Variants in ZAP70 observed in about 807,000 individuals in gnomAD.
The protein encoded by ZAP70 is tyrosine-protein kinase ZAP-70.
ZAP70 carries 27 observed loss-of-function variants against 65.8 expected under a neutral mutation model. The observed-to-expected ratio is 0.41, with a 90% CI of 0.30 to 0.57. The LOEUF (loss-of-function observed/expected upper bound fraction) is 0.57. ZAP70 is among the 20% of genes least tolerant of loss of function. The pLI, the probability that ZAP70 is intolerant of heterozygous loss-of-function variation, is 0.28. For missense variants in ZAP70, 696 were observed against 870.5 expected (o/e 0.80, Z 2.52); for synonymous variants, 363 against 360.8 (o/e 1.01, Z -0.07).
At chr2:97,734,439 C>A in intron 8 of ZAP70, 81 bp from the exon 9 acceptor site, 1 of 1,505,500 alleles carries the variant, frequency 6.6e-7, no homozygotes, top group Non-Finnish European at 8.9e-7. Context: ...TTGTCTGGGG[C>A]AGGTGCTTGT....
intron 13 of ZAP70, 34 bp from the exon 14 acceptor site, chr2:97,739,341 G>A: frequency 6.2e-7 from 1 of 1,611,948 alleles, no homozygotes; most frequent in Non-Finnish European, 8.5e-7. Context: ...CTGGGGGCGT[G>A]GTCAGCAGCC....
intron 2 of ZAP70, among the ~76,000 whole-genome samples, chr2:97,721,770 G>A (rs1161541143): frequency 6.7e-6 from 1 of 148,914 alleles, no homozygotes; most frequent in Non-Finnish European, 1.5e-5. Context: ...CACATATTTT[G>A]TTTTTTTATT....
intron 2 of ZAP70, among the ~76,000 whole-genome samples, chr2:97,721,367 C>T (rs768621177): frequency 1.5e-4 from 23 of 152,088 alleles, no homozygotes; most frequent in Admixed American, 2.6e-4. Context: ...ATTTTCCCAC[C>T]GAGGCTGCAC....
At chr2:97,746,204 A>C in the ZAP70 span, among the ~76,000 whole-genome samples, 6 of 152,174 alleles carry the variant, frequency 3.9e-5, 1 homozygote, top group African/African-American at 1.4e-4. Flanking sequence ...ACGTTTACAG[A>C]GTTTCTGTTG....
chr2:97,737,409 T>C lies in ZAP70; in HGVS notation c.1290-64T>C. ...CATGCCCAGCTGGGTCAGAGAAGCA[T>C]GCTTTGCCCCTGGGAACTTGGCTAG... On this transcript the variant is annotated intron_variant, in intron 10 of 13. Transcript: ENST00000264972. The surrounding 1 kb of genome is among the most constrained non-coding windows in gnomAD (Gnocchi z 5.0). 6.3e-7 allele frequency: 1 copy of C among 1,577,752 alleles called. No homozygotes were observed. The highest frequency in any genetic ancestry group is 8.7e-7 in the Non-Finnish European group (1 of 1,147,896).
At chr2:97,739,935 T>C, downstream of ZAP70, 1 of 195,632 alleles carries the variant, frequency 5.1e-6, no homozygotes, top group African/African-American at 2.3e-5. Context: ...TGCATGGAGG[T>C]GACTGTTCTT....
chr2:97,736,915 A>C lies in ZAP70; in HGVS notation c.1290-558A>C, dbSNP rs1433850774. ...ACCTGACTCAGGGGCAGAGAGGACAAGACAGTGGGAGACAGGAGGGAGCGA... is the reference window on the plus strand; with the variant it reads ...ACCTGACTCAGGGGCAGAGAGGACACGACAGTGGGAGACAGGAGGGAGCGA... On this transcript the variant is annotated intron_variant, in intron 10 of 13. Coordinates refer to ENST00000264972, the MANE Select transcript of ZAP70 (RefSeq NM_001079.4). This position sits in a 1 kb window ranked among gnomAD's most constrained non-coding sequence, Gnocchi z 4.0. Among the ~76,000 whole-genome samples, 11 of 152,072 alleles carry C rather than the reference A, an allele frequency of 7.2e-5. No homozygotes were observed. The highest frequency in any genetic ancestry group is 2.0e-4 in the Admixed American group (3 of 15,270).
rs752635149 is a variant in ZAP70 at position 97,735,359 on chromosome 2, A to T, written c.1192A>T (p.Ile398Phe). 4 of 1,614,092 alleles carry T rather than the reference A, an allele frequency of 2.5e-6. No individual in the cohort carries two copies. Among genetic ancestry groups the T allele is most frequent in the Non-Finnish European group, 3.4e-6 (4 of 1,179,968 alleles). ...QIMHQLDNPY[I>F]VRLIGVCQAE... ...CATGCACCAGCTGGACAACCCCTAC[A>T]TCGTGCGGCTCATTGGCGTCTGCCA... The change falls in exon 10 of 14, where the codon ATC becomes TTC. Residue 398 changes from isoleucine to phenylalanine, a missense_variant. Around this residue, in one of 3 missense-constraint regions of ZAP70, gnomAD observed 551 missense variants for 630.0 expected, o/e 0.87. Coordinates refer to ENST00000264972, the MANE Select transcript of ZAP70 (RefSeq NM_001079.4).
At chr2:97,749,011 T>G in the ZAP70 span, among the ~76,000 whole-genome samples, 1 of 143,534 alleles carries the variant, frequency 7.0e-6, no homozygotes, top group Non-Finnish European at 1.5e-5. Context: ...TCCCTTTTTT[T>G]TTTTTTTTTT....
chr2:97,733,737 CAT>C (rs988263952), intron 8 of ZAP70, 142 bp downstream of exon 8: 68 of 946,496 alleles, frequency 7.2e-5, no homozygotes, highest in East Asian at 4.9e-5. Context: ...CCTGTGCACA[CAT>C]GTGCCCACAC....
chr2:97,748,015 C>T, the ZAP70 span, among the ~76,000 whole-genome samples: 5 of 151,818 alleles, frequency 3.3e-5, no homozygotes, highest in African/African-American at 4.8e-5. Context: ...TTTTAAAACC[C>T]CAGTGTGGGA....
chr2:97,731,348 G>A lies in ZAP70; in HGVS notation c.564-1535G>A, dbSNP rs1366824076. On this transcript the variant is annotated intron_variant, in intron 4 of 13. Coordinates refer to ENST00000264972, the MANE Select transcript of ZAP70 (RefSeq NM_001079.4). This position sits in a 1 kb window ranked among gnomAD's most constrained non-coding sequence, Gnocchi z 4.0. ...TGACTCAAAATAGAAATGTTTTGTG[G>A]GAGATGTTGACTGGTGTCACTGCGG... Among the ~76,000 whole-genome samples the A allele has an allele frequency of 6.6e-6, 1 of 152,044 alleles. No homozygotes were observed. The highest frequency in any genetic ancestry group is 1.9e-4 in the East Asian group (1 of 5,182).
chr2:97,734,062 G>C (rs1677737771), intron 8 of ZAP70: 2 of 279,490 alleles, frequency 7.2e-6, no homozygotes, highest in African/African-American at 4.3e-5. Flanking sequence ...GTCTGCTGCG[G>C]GTGCTCCTGT....
At chr2:97,730,658 A>G (rs569704067) in intron 4 of ZAP70, among the ~76,000 whole-genome samples, 18 of 152,280 alleles carry the variant, frequency 1.2e-4, no homozygotes, top group Admixed American at 3.9e-4. Context: ...GGCCCCACCT[A>G]TTGATGGGAA....
downstream of ZAP70, among the ~76,000 whole-genome samples, chr2:97,740,951 G>A (rs185591333): frequency 6.6e-6 from 1 of 152,344 alleles, no homozygotes; most frequent in African/African-American, 2.4e-5. Flanking sequence ...CATGGAGGCT[G>A]CGAAGACCCT....
chr2:97,754,240 A>G, the ZAP70 span, among the ~76,000 whole-genome samples: 1 of 152,230 alleles, frequency 6.6e-6, no homozygotes, highest in East Asian at 1.9e-4. Flanking sequence ...CCAAGTACAC[A>G]GTGTTTCTCT....
At chr2:97,718,950 C>T (rs1455632905) in intron 2 of ZAP70, among the ~76,000 whole-genome samples, 1 of 152,054 alleles carries the variant, frequency 6.6e-6, no homozygotes, top group Non-Finnish European at 1.5e-5. Flanking sequence ...GAAGGGTGCA[C>T]TAGGTGGAGG....
At chr2:97,721,192 A>G (rs559733794) in intron 2 of ZAP70, among the ~76,000 whole-genome samples, 2 of 152,320 alleles carry the variant, frequency 1.3e-5, no homozygotes, top group East Asian at 3.9e-4. Context: ...CCAGTTTATG[A>G]TTTGCTATAA....
downstream of ZAP70, among the ~76,000 whole-genome samples, chr2:97,741,613 G>C (rs1220767212): frequency 6.6e-6 from 1 of 152,268 alleles, no homozygotes; most frequent in Admixed American, 6.5e-5. Context: ...GGGGCTGAGG[G>C]ACGCAGTTTC....
Sources: gnomAD v4.1 joint callset for allele counts (sites outside exome capture counted in the v4.1 genomes callset) on GRCh38, gnomAD v4.1.1 for gene constraint, gnomAD v4.1.1 regional missense constraint, Gnocchi (gnomAD v3.1) non-coding constraint, MANE v1.5 for transcripts, NCBI Gene and HGNC (gene_info 2026-07-23, HGNC 2026-07-21) for gene names.